CLCN6: variants seen among roughly 807,000 people sequenced by gnomAD.
The protein encoded by CLCN6 is H(+)/Cl(-) exchange transporter 6.
A neutral mutation model predicts 109.8 loss-of-function variants in CLCN6; 70 were observed. That is an observed-to-expected ratio of 0.64 (90% CI 0.53 to 0.78). The LOEUF is 0.78. CLCN6 is among the 30% of genes least tolerant of loss of function. The pLI, the probability that CLCN6 is intolerant of heterozygous loss-of-function variation, is 0.00. For missense variants in CLCN6, 984 were observed against 1,142.3 expected, an observed-to-expected ratio of 0.86 and a Z score of 2.00; for synonymous variants, 444 against 447.8, an observed-to-expected ratio of 0.99 and a Z score of 0.11.
At chr1:11,830,844 G>T (rs1336505828) in intron 13 of CLCN6, among the ~76,000 whole-genome samples, 4 of 132,418 alleles carry the variant, frequency 3.0e-5, no homozygotes, top group African/African-American at 1.1e-4. Context: ...TGTTTGTTTT[G>T]TTTTTTTAAG....
chr1:11,833,597 ACCC>A lies in CLCN6; in HGVS notation c.1332_1334del (p.Asn444_Pro445delinsLys). ...AATGACATGGCCACACTCTTCTTCA[ACCC>A]GCAGGAGTCTGCCATCCTCCAGCTC... On this transcript the variant is annotated inframe_deletion, in exon 14 of 23. Coordinates refer to ENST00000346436, the MANE Select transcript of CLCN6 (RefSeq NM_001286.5). 1 of 1,613,970 alleles carries A rather than the reference ACCC, an allele frequency of 6.2e-7. No individual in the cohort carries two copies. Among genetic ancestry groups the A allele is most frequent in the South Asian group, 1.1e-5 (1 of 91,082 alleles).
At chr1:11,820,252 T>G (rs951772888) in intron 5 of CLCN6, 4 of 630,748 alleles carry the variant, frequency 6.3e-6, no homozygotes, top group Non-Finnish European at 1.2e-5. Flanking sequence ...TAATGCACCA[T>G]GACTGTGCCT....
At chr1:11,813,865 C>T (rs1644635161) in intron 2 of CLCN6, among the ~76,000 whole-genome samples, 1 of 152,146 alleles carries the variant, frequency 6.6e-6, no homozygotes, top group African/African-American at 2.4e-5. Flanking sequence ...ACTTTTAATT[C>T]TCCATCCTGC....
chr1:11,823,121 A>T (rs1407957315), intron 6 of CLCN6, among the ~76,000 whole-genome samples: 1 of 152,198 alleles, frequency 6.6e-6, no homozygotes, highest in African/African-American at 2.4e-5. Flanking sequence ...GCATCATGCA[A>T]TATACCCTCG....
At chr1:11,837,610 G>T (rs567197293) in intron 20 of CLCN6, 111 bp downstream of exon 20, 1 of 1,075,052 alleles carries the variant, frequency 9.3e-7, no homozygotes, top group Non-Finnish European at 1.3e-6. Flanking sequence ...AATGCAAGGC[G>T]AGAAGTGCAG....
In CLCN6 at chr1:11,834,029, A is replaced by G. The variant is rs761404563; in HGVS notation, c.1525A>G (p.Ser509Gly). The G allele has an allele frequency of 1.2e-6, 2 of 1,613,950 alleles. No homozygotes were observed. Among genetic ancestry groups the G allele is most frequent in the Non-Finnish European group, 1.7e-6 (2 of 1,179,934 alleles). Residue 509 changes from serine (S) to glycine (G), a missense_variant and splice_region_variant, in exon 15 of 23, where the codon AGC becomes GGC. Coordinates refer to ENST00000346436, the MANE Select transcript of CLCN6 (RefSeq NM_001286.5). This position sits in a 1 kb window ranked among gnomAD's most constrained non-coding sequence, Gnocchi z 4.5. ...FGRLVANVLK[S>G]YIGLGHIYSG... is the part of the protein sequence containing the mutation. ...ACGTTTAGTTGCCAATGTCCTAAAA[A>G]GGTACTCTGTGTGTGTGCGTGTGTG... is the stretch of plus-strand genomic sequence containing the variant.
At chr1:11,833,226 A>C (rs1644901908) in intron 13 of CLCN6, among the ~76,000 whole-genome samples, 1 of 152,130 alleles carries the variant, frequency 6.6e-6, no homozygotes, top group Non-Finnish European at 1.5e-5. Context: ...GAAAGTTAGC[A>C]CCGGGAGAGG....
chr1:11,823,561 A>G (rs1295976365), intron 6 of CLCN6, 146 bp from the exon 7 acceptor site: 16 of 959,188 alleles, frequency 1.7e-5, no homozygotes, highest in South Asian at 4.7e-5. Context: ...GGGGCCCAGC[A>G]GCTGTGGTTC....
Position 11,836,158 on chromosome 1 carries a change from A to G in CLCN6, c.1980+5A>G. ...AGCAACAACATCAAGTTCAAGGTAA[A>G]GAAAACGGCATGAGAGGAAAGGCAG... On this transcript the variant is annotated splice_donor_5th_base_variant and intron_variant, in intron 18 of 22. Coordinates refer to ENST00000346436, the MANE Select transcript of CLCN6 (RefSeq NM_001286.5). 1.2e-6 allele frequency: 2 copies of G among 1,611,090 alleles called. No individual in the cohort carries two copies. The highest frequency in any genetic ancestry group is 1.7e-6 in the Non-Finnish European group (2 of 1,178,782).
intron 9 of CLCN6, among the ~76,000 whole-genome samples, chr1:11,826,813 G>A (rs1323888176): frequency 6.6e-6 from 1 of 152,158 alleles, no homozygotes; most frequent in East Asian, 1.9e-4. Context: ...CCTGAGCTGG[G>A]GGCTGAGATT....
intron 1 of CLCN6, 62 bp downstream of exon 1, chr1:11,806,411 T>A: frequency 7.4e-7 from 1 of 1,348,330 alleles, no homozygotes; most frequent in Non-Finnish European, 9.6e-7. Flanking sequence ...AGAGAGGCGT[T>A]GCCGGGGGTG....
intron 4 of CLCN6, among the ~76,000 whole-genome samples, chr1:11,818,653 T>C (rs1644703988): frequency 6.6e-6 from 1 of 152,230 alleles, no homozygotes; most frequent in Non-Finnish European, 1.5e-5. Flanking sequence ...GGCAAGAAGC[T>C]TTGATCCTGA....
chr1:11,837,470 C>G lies in CLCN6; in HGVS notation c.2266C>G (p.Arg756Gly), dbSNP rs1444187729. Reference protein sequence around the residue: ...LRSQLVTLLVRGVCYSESQSS... With the variant: ...LRSQLVTLLVGGVCYSESQSS... ...GTCGCAGCTTGTCACCCTGCTTGTC[C>G]GAGGAGTTTGTTACTCTGAAAGCCA... The change falls in exon 20 of 23, where the codon CGA (arginine) becomes GGA (glycine). Residue 756 changes from arginine to glycine, a missense_variant. Coordinates refer to ENST00000346436, the MANE Select transcript of CLCN6 (RefSeq NM_001286.5). 6.2e-7 allele frequency: 1 copy of G among 1,614,016 alleles called. No homozygotes were observed. Among genetic ancestry groups the G allele is most frequent in the Admixed American group, 1.7e-5 (1 of 60,012 alleles).
chr1:11,830,737 T>TATAATATATATATATATATATATATATA (rs1359328796), intron 13 of CLCN6, among the ~76,000 whole-genome samples: 8 of 91,126 alleles, frequency 8.8e-5, no homozygotes, highest in African/African-American at 2.0e-4. Flanking sequence ...TATGTATATA[T>TATAATATATATATATATATATATATATA]TATATATATA....
intron 2 of CLCN6, among the ~76,000 whole-genome samples, chr1:11,808,678 T>A (rs1644556344): frequency 9.1e-6 from 1 of 110,248 alleles, no homozygotes; most frequent in Non-Finnish European, 1.8e-5. Flanking sequence ...GCTTCTTCCT[T>A]CATCTTTTTT....
At position 11,825,446 on chromosome 1, in the gene CLCN6, G is replaced by A. The variant is rs187250940; in HGVS notation, c.649-710G>A. Among the ~76,000 whole-genome samples the A allele has an allele frequency of 5.3e-5, 8 of 152,334 alleles. 1 individual carries two copies. The East Asian group carries it at 1.3e-3, about 26-fold the overall frequency. ...CTTCCTGGCGCTGCTGAGCAGAGCAGACTCGGTCTTCTGCAACAGCTTCCG... is the reference window on the plus strand; with the variant it reads ...CTTCCTGGCGCTGCTGAGCAGAGCAAACTCGGTCTTCTGCAACAGCTTCCG... On this transcript the variant is annotated intron_variant, in intron 8 of 22. Transcript: ENST00000346436.
rs192120018 is a variant in CLCN6, at chr1:11,824,397, G to A, written c.581-89G>A. 905 of 976,186 alleles carry A rather than the reference G, an allele frequency of 9.3e-4. 8 individuals are homozygous for A. Among genetic ancestry groups the A allele is most frequent in the Non-Finnish European group, 3.4e-4 (217 of 631,368 alleles). 60.5% of individuals were successfully genotyped at this position (976,186 alleles called of 1,614,324 possible). A position where few individuals can be genotyped will look rare whatever the true frequency, so the allele number is the denominator to read the frequency against. On this transcript the variant is annotated intron_variant, in intron 7 of 22. Transcript: ENST00000346436. ...GTCTTAGGATCATCTCTGTTCAGTT[G>A]TCACGAGGAAGGTTTTTGTAGCCAA... is the stretch of plus-strand genomic sequence containing the variant.
intron 2 of CLCN6, among the ~76,000 whole-genome samples, chr1:11,808,979 A>G (rs1644561829): frequency 6.6e-6 from 1 of 151,732 alleles, no homozygotes; most frequent in African/African-American, 2.4e-5. Context: ...CTTCTGCCCC[A>G]GCCTCCCGAG....
In CLCN6 at chr1:11,828,122, C is replaced by T. The variant is rs1196899678; in HGVS notation, c.857C>T (p.Ser286Phe). 2 of 1,613,936 alleles carry T rather than the reference C, an allele frequency of 1.2e-6. No individual in the cohort carries two copies. The highest frequency in any genetic ancestry group is 1.7e-6 in the Non-Finnish European group (2 of 1,179,894). The change falls in exon 11 of 23, where the codon TCT (serine) becomes TTT (phenylalanine). Residue 286 changes from serine (S) to phenylalanine (F), a missense_variant. By Grantham distance (155) the Ser-to-Phe change is radical. Coordinates refer to ENST00000346436, the MANE Select transcript of CLCN6 (RefSeq NM_001286.5). ...LTWKVLFCSM[S>F]ATFTLNFFRS... ...CTCCCCTAGCTCTTTTGTTCCATGT[C>T]TGCCACCTTCACCCTCAACTTCTTC... is the stretch of plus-strand genomic sequence containing the variant.
Sources: allele counts gnomAD v4.1 joint callset (sites outside exome capture counted in the v4.1 genomes callset), GRCh38; gene constraint gnomAD v4.1.1; non-coding constraint Gnocchi (gnomAD v3.1); transcripts MANE v1.5; gene names NCBI Gene and HGNC (gene_info 2026-07-23, HGNC 2026-07-21).